The following TOX2 variants were observed in gnomAD, a reference collection of about 807,000 sequenced individuals.
TOX2 encodes TOX high mobility group box family member 2, also known as granulosa cell HMG box 1.
TOX2 carries 15 observed loss-of-function variants against 47.4 expected under a neutral mutation model. The observed-to-expected ratio is 0.32, with a 90% confidence interval of 0.21 to 0.49. TOX2 has a LOEUF of 0.49. Among genes scored for constraint, TOX2 ranks in the 20% least tolerant of loss-of-function variants. The probability of loss-of-function intolerance (pLI) is 0.99; values close to 1 mark genes in which losing one functional copy is unlikely to be tolerated. For missense variants in TOX2, 622 were observed against 673.1 expected (o/e 0.92, Z 0.84); for synonymous variants, 290 against 296.6 (o/e 0.98, Z 0.23).
Position 44,056,244 on chromosome 20 carries a change from C to A in TOX2, c.879+1718C>A. On this transcript the variant is annotated intron_variant, in intron 5 of 8. Coordinates refer to ENST00000341197, the MANE Select transcript of TOX2 (RefSeq NM_001098797.2). ...CCAGGCTCCTGCCACCAGAGGGACC[C>A]TCAGGCAAAGGAATATAGCCGGTGG... Among the ~76,000 whole-genome samples the A allele has an allele frequency of 1.3e-5, 2 of 152,230 alleles. 1 individual carries two copies. Among genetic ancestry groups the A allele is most frequent in the Admixed American group, 1.3e-4 (2 of 15,292 alleles).
Position 44,068,903 on chromosome 20 carries a change from C to T in TOX2, c.*217C>T, listed in dbSNP as rs1260855830. 41 of 716,758 alleles carry T rather than the reference C, an allele frequency of 5.7e-5. No individual in the cohort carries two copies. The Admixed American group carries it at 8.3e-4, about 15-fold the overall frequency. 44.4% of individuals were successfully genotyped at this position (716,758 alleles called of 1,614,324 possible). Reference sequence around the variant, plus strand: ...CACCAGCCCAAAGAACCTGCAGGAACCTTCCGCCCGCTGACCTGCTTGCTC... The same window carrying T: ...CACCAGCCCAAAGAACCTGCAGGAATCTTCCGCCCGCTGACCTGCTTGCTC... On this transcript the variant is annotated 3_prime_UTR_variant, in exon 9 of 9. Transcript: ENST00000341197.
intron 1 of TOX2, among the ~76,000 whole-genome samples, chr20:43,935,030 CT>C (rs932450363): frequency 1.3e-5 from 2 of 152,164 alleles, no homozygotes; most frequent in African/African-American, 4.8e-5. Context: ...TGTCTGGCCA[CT>C]GTGGTGAGCC....
intron 1 of TOX2, among the ~76,000 whole-genome samples, chr20:43,951,705 ATGTTT>A (rs1555832468): frequency 2.3e-4 from 7 of 30,392 alleles, no homozygotes; most frequent in Admixed American, 7.7e-4. Flanking sequence ...TAAACTTATT[ATGTTT>A]TTTTTTTTTT....
chr20:44,008,188 A>T (rs1234269239), intron 3 of TOX2, among the ~76,000 whole-genome samples: 4 of 152,010 alleles, frequency 2.6e-5, no homozygotes, highest in Non-Finnish European at 4.4e-5. Flanking sequence ...CCAAGGAGAG[A>T]GAGGAGATGA....
chr20:44,021,177 A>C (rs1023817653), intron 3 of TOX2, among the ~76,000 whole-genome samples: 2 of 152,110 alleles, frequency 1.3e-5, no homozygotes, highest in African/African-American at 4.8e-5. Context: ...TTGTGACCAG[A>C]ACGCAAAATT....
chr20:43,964,111 C>A (rs1343575780), intron 1 of TOX2, among the ~76,000 whole-genome samples: 2 of 151,020 alleles, frequency 1.3e-5, no homozygotes, highest in Admixed American at 6.6e-5. Flanking sequence ...AAAAAAAAAA[C>A]CAACAGCTTG....
chr20:43,945,950 T>C (rs1475966071), intron 1 of TOX2: 3 of 1,614,020 alleles, frequency 1.9e-6, no homozygotes, highest in Non-Finnish European at 2.5e-6. Flanking sequence ...GCGGGCGCGT[T>C]CTCTCGCTGC....
intron 1 of TOX2, among the ~76,000 whole-genome samples, chr20:43,929,972 C>T (rs1334432483): frequency 5.3e-5 from 8 of 152,150 alleles, no homozygotes; most frequent in East Asian, 1.9e-4. Flanking sequence ...CCTCCCGAAG[C>T]GCTGGGATTA....
intron 1 of TOX2, among the ~76,000 whole-genome samples, chr20:43,939,306 T>G (rs2069371205): frequency 6.6e-6 from 1 of 152,198 alleles, no homozygotes; most frequent in African/African-American, 2.4e-5. Context: ...TGCATCTACT[T>G]AATTTGTGGT....
rs186588768 is a variant in TOX2, at chr20:44,069,119, C to G, written c.*433C>G. The G allele has an allele frequency of 8.6e-5, 31 of 359,656 alleles. No homozygotes were observed. The East Asian group carries it at 2.0e-3, about 23-fold the overall frequency. 22.3% of individuals were successfully genotyped at this position (359,656 alleles called of 1,614,324 possible). ...GTGCACATCGGTTTTCCAGTGTGAACAAAAGATTACGAAACCTAGAAACTG... is the reference window on the plus strand; with the variant it reads ...GTGCACATCGGTTTTCCAGTGTGAAGAAAAGATTACGAAACCTAGAAACTG... On this transcript the variant is annotated 3_prime_UTR_variant, in exon 9 of 9. Transcript: ENST00000341197.
chr20:43,955,915 A>G (rs554731970), intron 1 of TOX2, among the ~76,000 whole-genome samples: 4 of 152,268 alleles, frequency 2.6e-5, no homozygotes, highest in South Asian at 4.2e-4. Flanking sequence ...AGTGCAGCCC[A>G]CATTCCGGGT....
In TOX2 at chr20:43,951,711, T is replaced by TTTTTTTG. The variant is rs1320259393; in HGVS notation, c.100-21650_100-21649insGTTTTTT. Among the ~76,000 whole-genome samples, 30 of 115,042 alleles carry TTTTTTTG rather than the reference T, an allele frequency of 2.6e-4. 3 individuals are homozygous for TTTTTTTG. The highest frequency in any genetic ancestry group is 9.5e-4 in the African/African-American group (29 of 30,636). 75.5% of individuals were successfully genotyped at this position (115,042 alleles called of 152,430 possible). A position where few individuals can be genotyped will look rare whatever the true frequency, so the allele number is the denominator to read the frequency against. On this transcript the variant is annotated intron_variant, in intron 1 of 8. Coordinates refer to ENST00000341197, the MANE Select transcript of TOX2 (RefSeq NM_001098797.2). ...CATTACTATTAAACTTATTATGTTT[T>TTTTTTTG]TTTTTTTTTTTTTTTTTAGAGAAAG...
intron 1 of TOX2, among the ~76,000 whole-genome samples, chr20:43,963,623 T>A: frequency 6.6e-6 from 1 of 152,112 alleles, no homozygotes; most frequent in Non-Finnish European, 1.5e-5. Flanking sequence ...GGAGGATTTA[T>A]CACCAGGCAG....
chr20:44,047,852 T>TAAAAAAAAAAAAAA (rs1198225728), intron 3 of TOX2, among the ~76,000 whole-genome samples: 1 of 141,886 alleles, frequency 7.0e-6, no homozygotes, highest in Non-Finnish European at 1.6e-5. Flanking sequence ...AAAAAAAAAT[T>TAAAAAAAAAAAAAA]AAAAAAAAAA....
At chr20:43,935,550 T>A (rs976138963) in intron 1 of TOX2, among the ~76,000 whole-genome samples, 1 of 152,106 alleles carries the variant, frequency 6.6e-6, no homozygotes, top group African/African-American at 2.4e-5. Flanking sequence ...GCCCTGCAAA[T>A]TATGTATTAC....
intron 2 of TOX2, among the ~76,000 whole-genome samples, chr20:44,003,549 A>C (rs999145074): frequency 2.6e-5 from 4 of 152,352 alleles, no homozygotes; most frequent in African/African-American, 9.6e-5. Context: ...TATAGGGAGC[A>C]AAACTCATGT....
At chr20:43,928,992 A>AAAAAAAAC (rs2069215706) in intron 1 of TOX2, among the ~76,000 whole-genome samples, 1 of 150,156 alleles carries the variant, frequency 6.7e-6, no homozygotes, top group African/African-American at 2.5e-5. Context: ...AAAAAAAAAA[A>AAAAAAAAC]AAAAAAACAA....
chr20:44,025,321 G>T (rs908313035), intron 3 of TOX2, among the ~76,000 whole-genome samples: 1 of 151,474 alleles, frequency 6.6e-6, no homozygotes, highest in Non-Finnish European at 1.5e-5. Context: ...ATAGGGTAAA[G>T]GGGTAGCCTT....
chr20:43,929,431 T>C (rs540504616), intron 1 of TOX2, among the ~76,000 whole-genome samples: 9 of 152,274 alleles, frequency 5.9e-5, no homozygotes, highest in Admixed American at 5.2e-4. Flanking sequence ...ATGAGCAAAG[T>C]CAGAGTCAGT....
Sources: allele counts gnomAD v4.1 joint callset (sites outside exome capture counted in the v4.1 genomes callset), GRCh38; gene constraint gnomAD v4.1.1; transcripts MANE v1.5; gene names NCBI Gene and HGNC (gene_info 2026-07-23, HGNC 2026-07-21).